The following ZMIZ1 variants were observed in gnomAD, a reference collection of about 807,000 sequenced individuals.
ZMIZ1 encodes the protein zinc finger MIZ-type containing 1.
ZMIZ1 carries 17 observed loss-of-function variants against 113.9 expected under a neutral mutation model. The ratio of observed to expected loss-of-function variants is 0.15; its 90% CI spans 0.10 to 0.22. The LOEUF is 0.22. Ranked by LOEUF, ZMIZ1 falls within the 10% of genes least tolerant of loss-of-function variation. The pLI, the probability that ZMIZ1 is intolerant of heterozygous loss-of-function variation, is 1.00. For missense variants in ZMIZ1, 1,059 were observed against 1,477.8 expected, an observed-to-expected ratio of 0.72 and a Z score of 4.65; for synonymous variants, 607 against 603.1, an observed-to-expected ratio of 1.01 and a Z score of -0.09.
chr10:79,161,490 T>C (rs934832668), intron 3 of ZMIZ1, among the ~76,000 whole-genome samples: 5 of 152,176 alleles, frequency 3.3e-5, no homozygotes, highest in African/African-American at 1.2e-4. Flanking sequence ...CATATGCTGT[T>C]CCCTCTGCCT....
chr10:79,255,952 A>G lies in ZMIZ1; in HGVS notation c.281-21229A>G, dbSNP rs541152875. Among the ~76,000 whole-genome samples the G allele has an allele frequency of 2.6e-5, 4 of 152,334 alleles. No homozygotes were observed. The South Asian group carries it at 8.3e-4, about 32-fold the overall frequency. On this transcript the variant is annotated intron_variant, in intron 7 of 24. Coordinates refer to ENST00000334512, the MANE Select transcript of ZMIZ1 (RefSeq NM_020338.4). Reference sequence around the variant, plus strand: ...GCAGAATTACCCCCAAATTGGTTTAAGTGGCAACAAAGGAGTGTTGGCATT... The same window carrying G: ...GCAGAATTACCCCCAAATTGGTTTAGGTGGCAACAAAGGAGTGTTGGCATT...
Position 79,300,844 on chromosome 10 carries a change from C to T in ZMIZ1, c.1921C>T (p.Arg641Cys), listed in dbSNP as rs1854250734. The T allele has an allele frequency of 1.9e-6, 3 of 1,613,654 alleles. No homozygotes were observed. Among genetic ancestry groups the T allele is most frequent in the Non-Finnish European group, 2.5e-6 (3 of 1,179,986 alleles). Reference protein sequence around the residue: ...SVNATPLTIERGDNKTSHKPL... With the variant: ...SVNATPLTIECGDNKTSHKPL... ...GAACGCCACGCCCCTCACCATTGAG[C>T]GCGGCGACAACAAGACCTCCCACAA... is the stretch of plus-strand genomic sequence containing the variant. The change falls in exon 17 of 25, where the codon CGC (arginine) becomes TGC (cysteine). Residue 641 changes from arginine to cysteine, a missense_variant. Arg to Cys is a radical substitution (Grantham distance 180, BLOSUM62 -3). Transcript: ENST00000334512.
chr10:79,175,631 G>T lies in ZMIZ1; in HGVS notation c.-50+13498G>T, dbSNP rs951166508. Among the ~76,000 whole-genome samples, 102 of 49,712 alleles carry T rather than the reference G, an allele frequency of 2.1e-3. 2 individuals carry two copies. The highest frequency in any genetic ancestry group is 0.012 in the African/African-American group (55 of 4,592). The allele number at this position is 49,712 out of a possible 152,430, so 32.6% of individuals were successfully genotyped here. A position where few individuals can be genotyped will look rare whatever the true frequency, so the allele number is the denominator to read the frequency against. ...GTGTGTGTGTGTGTGTGTGTGTGTGGAGGTTTTTACAGACCCGCATGTATG... is the reference window on the plus strand; with the variant it reads ...GTGTGTGTGTGTGTGTGTGTGTGTGTAGGTTTTTACAGACCCGCATGTATG... On this transcript the variant is annotated intron_variant, in intron 4 of 24. Coordinates refer to ENST00000334512, the MANE Select transcript of ZMIZ1 (RefSeq NM_020338.4).
chr10:79,265,430 A>G (rs1294705601), intron 7 of ZMIZ1, among the ~76,000 whole-genome samples: 1 of 150,454 alleles, frequency 6.6e-6, no homozygotes, highest in East Asian at 2.0e-4. Flanking sequence ...GGTCACTCGC[A>G]GCCCAAGCGC....
intron 4 of ZMIZ1, among the ~76,000 whole-genome samples, chr10:79,197,637 C>CACACACACCCCT (rs1564713276): frequency 6.7e-6 from 1 of 149,272 alleles, no homozygotes; most frequent in South Asian, 2.1e-4. Flanking sequence ...CACACACACA[C>CACACACACCCCT]ACACACCTGT....
At chr10:79,204,019 G>A (rs1344577507) in intron 5 of ZMIZ1, among the ~76,000 whole-genome samples, 10 of 152,166 alleles carry the variant, frequency 6.6e-5, no homozygotes, top group African/African-American at 1.9e-4. Flanking sequence ...CCACATCTCC[G>A]GTCAGACACA....
intron 8 of ZMIZ1, among the ~76,000 whole-genome samples, chr10:79,288,486 C>T (rs146168086): frequency 0.012 from 1,852 of 152,242 alleles, 17 homozygotes; most frequent in South Asian, 0.018. Flanking sequence ...TCCTGTTGCC[C>T]GGCCCTTCTC....
chr10:79,165,785 A>C (rs943166127), intron 4 of ZMIZ1, among the ~76,000 whole-genome samples: 2 of 151,980 alleles, frequency 1.3e-5, no homozygotes, highest in Admixed American at 1.3e-4. Context: ...CCTGCCACAG[A>C]CTTACACCCT....
intron 1 of ZMIZ1, among the ~76,000 whole-genome samples, chr10:79,103,170 G>A (rs34385812): frequency 0.021 from 3,211 of 152,240 alleles, 69 homozygotes; most frequent in Middle Eastern, 0.061. Context: ...TGGTGAGCGG[G>A]AACAGCAGGT....
At chr10:79,249,817 C>T (rs1850436310) in intron 7 of ZMIZ1, among the ~76,000 whole-genome samples, 1 of 152,126 alleles carries the variant, frequency 6.6e-6, no homozygotes, top group Non-Finnish European at 1.5e-5. Context: ...TCTCCCTTTC[C>T]CCCCAATGCA....
chr10:79,171,505 G>A (rs1235346819), intron 4 of ZMIZ1, among the ~76,000 whole-genome samples: 3 of 152,238 alleles, frequency 2.0e-5, no homozygotes, highest in Non-Finnish European at 4.4e-5. Flanking sequence ...TACTCAGTAA[G>A]GCAGCAGTAT....
intron 7 of ZMIZ1, among the ~76,000 whole-genome samples, chr10:79,276,447 T>C (rs925490587): frequency 6.6e-6 from 1 of 152,178 alleles, no homozygotes; most frequent in African/African-American, 2.4e-5. Flanking sequence ...TTATCCCGGA[T>C]GTGGATGGCT....
chr10:79,191,985 C>G (rs955310767), intron 4 of ZMIZ1, among the ~76,000 whole-genome samples: 12 of 152,204 alleles, frequency 7.9e-5, no homozygotes, highest in Non-Finnish European at 1.6e-4. Context: ...TCTGAGGAAA[C>G]AAAGTGTAGG....
rs1291205499 is a variant in ZMIZ1 at position 79,307,410 on chromosome 10, A to G, written c.2674A>G (p.Asn892Asp). ...NSNDYSSQGN[N>D]YQGHGNFDFP... ...CCCATCTCATCCCTTCCTAGGCAAC[A>G]ACTACCAAGGCCATGGCAACTTTGA... The change falls in exon 23 of 25, where the codon AAC becomes GAC. Residue 892 changes from asparagine to aspartate, a missense_variant. Physicochemically the swap from Asn to Asp is conservative, Grantham distance 23. Around this residue, in one of 6 missense-constraint regions of ZMIZ1, gnomAD observed 225 missense variants for 276.0 expected, o/e 0.82. Coordinates refer to ENST00000334512, the MANE Select transcript of ZMIZ1 (RefSeq NM_020338.4). 6.2e-7 allele frequency: 1 copy of G among 1,601,222 alleles called. No homozygotes were observed. The highest frequency in any genetic ancestry group is 8.5e-7 in the Non-Finnish European group (1 of 1,173,950).
intron 4 of ZMIZ1, among the ~76,000 whole-genome samples, chr10:79,178,073 G>A (rs561606853): frequency 3.3e-5 from 5 of 152,238 alleles, no homozygotes; most frequent in Admixed American, 3.3e-4. Flanking sequence ...CTTGGGCTGG[G>A]TGTGATGGGG....
intron 7 of ZMIZ1, among the ~76,000 whole-genome samples, chr10:79,232,618 A>G (rs1849434769): frequency 6.6e-6 from 1 of 152,082 alleles, no homozygotes; most frequent in Non-Finnish European, 1.5e-5. Flanking sequence ...CGAGGCTGGC[A>G]TTACTCCTGC....
chr10:79,288,220 T>C (rs1853216095), intron 8 of ZMIZ1, among the ~76,000 whole-genome samples: 1 of 152,312 alleles, frequency 6.6e-6, no homozygotes, highest in African/African-American at 2.4e-5. Flanking sequence ...GCACAAGACT[T>C]GGCTGCCCTG....
Position 79,239,590 on chromosome 10 carries a change from C to T in ZMIZ1, c.280+23316C>T, listed in dbSNP as rs181698605. Among the ~76,000 whole-genome samples the T allele has an allele frequency of 1.4e-3, 214 of 152,312 alleles. 1 individual carries two copies. The highest frequency in any genetic ancestry group is 2.5e-3 in the Non-Finnish European group (170 of 68,026). ...CTCAGAACCCAGCACCCAGCAGAGC[C>T]GTCCCTGGCTTCATTGTTCTCCCTC... is the stretch of plus-strand genomic sequence containing the variant. On this transcript the variant is annotated intron_variant, in intron 7 of 24. Transcript: ENST00000334512.
intron 3 of ZMIZ1, among the ~76,000 whole-genome samples, chr10:79,152,915 A>G (rs921616508): frequency 6.6e-6 from 1 of 152,234 alleles, no homozygotes; most frequent in African/African-American, 2.4e-5. Flanking sequence ...CCAGCCTGGT[A>G]CTGGGTGCTG....
Sources: gnomAD v4.1 joint callset for allele counts (sites outside exome capture counted in the v4.1 genomes callset) on GRCh38, gnomAD v4.1.1 for gene constraint, gnomAD v4.1.1 regional missense constraint, MANE v1.5 for transcripts, NCBI Gene and HGNC (gene_info 2026-07-23, HGNC 2026-07-21) for gene names.